DAB2IP: variants seen among roughly 807,000 people sequenced by gnomAD.
DAB2IP encodes DAB2 interacting protein.
DAB2IP carries 28 observed loss-of-function variants against 107.2 expected under a neutral mutation model. The ratio of observed to expected loss-of-function variants is 0.26; its 90% CI spans 0.19 to 0.36. The LOEUF (loss-of-function observed/expected upper bound fraction) is 0.36. Ranked by LOEUF, DAB2IP falls within the 10% of genes least tolerant of loss-of-function variation. The probability of loss-of-function intolerance (pLI) is 1.00; values close to 1 mark genes in which losing one functional copy is unlikely to be tolerated. For synonymous variants in DAB2IP, 755 were observed against 706.4 expected (o/e 1.07, Z -1.09); for missense variants, 1,400 against 1,644.7 (o/e 0.85, Z 2.57).
chr9:121,780,256 C>T (rs1261658054), intron 14 of DAB2IP, among the ~76,000 whole-genome samples: 1 of 152,300 alleles, frequency 6.6e-6, no homozygotes, highest in East Asian at 1.9e-4. Context: ...AAAACAAATA[C>T]CCTCCTGCCA....
intron 1 of DAB2IP, among the ~76,000 whole-genome samples, chr9:121,646,150 G>A (rs1050995546): frequency 1.3e-5 from 2 of 152,178 alleles, no homozygotes; most frequent in Non-Finnish European, 2.9e-5. Flanking sequence ...GAGGGGCAGA[G>A]CCATCCAAGC....
intron 1 of DAB2IP, among the ~76,000 whole-genome samples, chr9:121,645,093 G>A (rs1442110797): frequency 1.3e-5 from 2 of 152,224 alleles, no homozygotes; most frequent in African/African-American, 4.8e-5. Context: ...TTACTGAAGG[G>A]GGAGGAAGAA....
chr9:121,712,236 T>C (rs1436329398), intron 3 of DAB2IP, among the ~76,000 whole-genome samples: 1 of 152,020 alleles, frequency 6.6e-6, no homozygotes, highest in Non-Finnish European at 1.5e-5. Flanking sequence ...TAGTGTGTGC[T>C]TTCTTCCAGG....
chr9:121,678,837 C>A, intron 2 of DAB2IP, 56 bp downstream of exon 2: 1 of 1,466,966 alleles, frequency 6.8e-7, no homozygotes, highest in Non-Finnish European at 9.1e-7. Flanking sequence ...CCACCTCGCC[C>A]GGGGTGCTGC....
chr9:121,739,754 G>A (rs1832194643), intron 3 of DAB2IP, among the ~76,000 whole-genome samples: 1 of 152,242 alleles, frequency 6.6e-6, no homozygotes, highest in South Asian at 2.1e-4. Flanking sequence ...GGAGCTCAGA[G>A]GAGGATAGGG....
chr9:121,576,440 C>T (rs939876749), intron 1 of DAB2IP, among the ~76,000 whole-genome samples: 7 of 151,492 alleles, frequency 4.6e-5, no homozygotes, highest in African/African-American at 1.5e-4. Flanking sequence ...CCCTCCAGCC[C>T]GGTCAATCCT....
chr9:121,630,644 G>C (rs1201581811), intron 1 of DAB2IP, among the ~76,000 whole-genome samples: 1 of 149,650 alleles, frequency 6.7e-6, no homozygotes, highest in East Asian at 2.0e-4. Flanking sequence ...GTCTTGCTCT[G>C]TTGCCCAGGC....
chr9:121,633,929 G>A lies in DAB2IP; in HGVS notation c.41-44749G>A, dbSNP rs540142131. On this transcript the variant is annotated intron_variant, in intron 1 of 16. Transcript: ENST00000259371. This position sits in a 1 kb window ranked among gnomAD's most constrained non-coding sequence, Gnocchi z 5.1. ...TCCTATTCAAAGGCTTGGCCCAGAT[G>A]CCACCTCCTCTGTGAAGCCTTTCTT... Among the ~76,000 whole-genome samples, 15 of 152,310 alleles carry A rather than the reference G, an allele frequency of 9.8e-5. No individual in the cohort carries two copies. The East Asian group carries it at 2.9e-3, about 29-fold the overall frequency.
intron 1 of DAB2IP, among the ~76,000 whole-genome samples, chr9:121,667,311 G>A (rs1432743330): frequency 2.6e-5 from 4 of 151,984 alleles, no homozygotes; most frequent in Non-Finnish European, 1.5e-5. Context: ...AATTACAGGC[G>A]TGAGCCACCA....
At chr9:121,615,841 G>C (rs977531000) in intron 1 of DAB2IP, among the ~76,000 whole-genome samples, 1 of 152,034 alleles carries the variant, frequency 6.6e-6, no homozygotes, top group Non-Finnish European at 1.5e-5. Context: ...GACCAGGCTG[G>C]TCTCGAACTC....
At chr9:121,716,871 A>T (rs185161378) in intron 3 of DAB2IP, among the ~76,000 whole-genome samples, 2 of 152,332 alleles carry the variant, frequency 1.3e-5, no homozygotes. Context: ...CCGCTAAGTC[A>T]AAGTGTCCAC....
At chr9:121,590,246 G>T (rs1830398971) in intron 1 of DAB2IP, among the ~76,000 whole-genome samples, 1 of 149,350 alleles carries the variant, frequency 6.7e-6, no homozygotes, top group Non-Finnish European at 1.5e-5. Flanking sequence ...TGCCCCACAC[G>T]CACACTAGAT....
In DAB2IP at chr9:121,770,454, C is replaced by T. The variant is rs148495923; in HGVS notation, c.1900-92C>T. 5.5e-4 allele frequency: 774 copies of T among 1,417,064 alleles called. 2 individuals carry two copies. Among genetic ancestry groups the T allele is most frequent in the East Asian group, 4.4e-3 (186 of 41,888 alleles). 87.8% of individuals were successfully genotyped at this position (1,417,064 alleles called of 1,614,324 possible). A position where few individuals can be genotyped will look rare whatever the true frequency, so the allele number is the denominator to read the frequency against. ...GGGGATCTGCACTTCTGACAGGCTC[C>T]GCAGTGGTTTTGAGCCATAGTGGCT... On this transcript the variant is annotated intron_variant, in intron 10 of 15. Coordinates refer to ENST00000408936, the Ensembl canonical transcript of DAB2IP.
chr9:121,763,711 C>A, intron 7 of DAB2IP, 24 bp from the exon 8 acceptor site: 4 of 1,612,876 alleles, frequency 2.5e-6, no homozygotes, highest in Non-Finnish European at 3.4e-6. Flanking sequence ...CCTCACTCCC[C>A]ACTCCCTGCC....
Position 121,760,334 on chromosome 9 carries a change from C to G in DAB2IP, c.1065C>G (p.His355Gln), listed in dbSNP as rs1417990315. The change falls in exon 6 of 16, where the codon CAC becomes CAG. Residue 355 changes from histidine (H) to glutamine (Q), a missense_variant. By Grantham distance (24) the His-to-Gln change is conservative (BLOSUM62 0). Coordinates refer to ENST00000408936, the Ensembl canonical transcript of DAB2IP. The surrounding 1 kb of genome is among the most constrained non-coding windows in gnomAD (Gnocchi z 5.9). The stretch of plus-strand genomic sequence containing the variant: ...AGTTCGCTGAGCACATCACCAACCA[C>G]TACCTGGGGCTGTGTGCAGCCCTCG... 1 of 1,613,384 alleles carries G rather than the reference C, an allele frequency of 6.2e-7. No homozygotes were observed. Among genetic ancestry groups the G allele is most frequent in the Non-Finnish European group, 8.5e-7 (1 of 1,180,034 alleles).
At chr9:121,761,693 C>T (rs1351888909) in intron 6 of DAB2IP, among the ~76,000 whole-genome samples, 2 of 152,172 alleles carry the variant, frequency 1.3e-5, no homozygotes, top group Non-Finnish European at 2.9e-5. Flanking sequence ...GCTACCTCCT[C>T]CCTCACCTTC....
intron 2 of DAB2IP, among the ~76,000 whole-genome samples, chr9:121,692,959 C>T (rs575531103): frequency 1.2e-4 from 18 of 152,204 alleles, no homozygotes; most frequent in Admixed American, 1.3e-4. Context: ...TAGCTTGGGG[C>T]GGCCCAGGCA....
chr9:121,653,065 A>C (rs187405296), intron 1 of DAB2IP, among the ~76,000 whole-genome samples: 4 of 152,206 alleles, frequency 2.6e-5, no homozygotes, highest in Admixed American at 2.0e-4. Context: ...AGGGTCTCTC[A>C]AAGCCTGCAA....
At chr9:121,704,150 C>T (rs1253954057) in intron 3 of DAB2IP, among the ~76,000 whole-genome samples, 1 of 152,062 alleles carries the variant, frequency 6.6e-6, no homozygotes, top group East Asian at 1.9e-4. Context: ...TTTATCTTTG[C>T]CTACATTTCT....
Sources: allele counts gnomAD v4.1 joint callset (sites outside exome capture counted in the v4.1 genomes callset), GRCh38; gene constraint gnomAD v4.1.1; non-coding constraint Gnocchi (gnomAD v3.1); transcripts MANE v1.5; gene names NCBI Gene and HGNC (gene_info 2026-07-23, HGNC 2026-07-21).